The following TDRD3 variants were observed in gnomAD, a reference collection of about 807,000 sequenced individuals.
TDRD3 encodes the protein tudor domain containing 3.
In TDRD3, 45 loss-of-function variants were observed where a neutral mutation model predicts 86.7. That is an observed-to-expected ratio of 0.52 (90% CI 0.41 to 0.67). The LOEUF is 0.67. Among genes scored for constraint, TDRD3 ranks in the 30% least tolerant of loss-of-function variants. The pLI, the probability that TDRD3 is intolerant of heterozygous loss-of-function variation, is 0.00. For synonymous variants in TDRD3, 298 were observed against 301.7 expected (o/e 0.99, Z 0.13); for missense variants, 814 against 889.0 (o/e 0.92, Z 1.07).
chr13:60,463,483 T>C (rs1313125064), intron 4 of TDRD3, among the ~76,000 whole-genome samples: 1 of 149,660 alleles, frequency 6.7e-6, no homozygotes, highest in East Asian at 2.0e-4. Flanking sequence ...CTCAAAAACA[T>C]AGGCAACATA....
intron 8 of TDRD3, among the ~76,000 whole-genome samples, chr13:60,504,357 A>C (rs1956891951): frequency 6.6e-6 from 1 of 152,192 alleles, no homozygotes; most frequent in Non-Finnish European, 1.5e-5. Context: ...TGTACCAGGT[A>C]TGGAGCCTAG....
At chr13:60,462,203 C>T (rs761086472) in intron 4 of TDRD3, among the ~76,000 whole-genome samples, 1 of 152,150 alleles carries the variant, frequency 6.6e-6, no homozygotes, top group African/African-American at 2.4e-5. Flanking sequence ...CAGTCACACC[C>T]CTTGCAAGGG....
chr13:60,517,494 C>T (rs1957199744), intron 10 of TDRD3, among the ~76,000 whole-genome samples: 2 of 152,118 alleles, frequency 1.3e-5, no homozygotes, highest in African/African-American at 4.8e-5. Context: ...TGTTTGGAAA[C>T]CAGGGATAAA....
chr13:60,488,880 C>A (rs376314249), intron 7 of TDRD3, among the ~76,000 whole-genome samples: 7 of 151,910 alleles, frequency 4.6e-5, no homozygotes, highest in African/African-American at 1.7e-4. Context: ...CATGCCTGGC[C>A]GGGTTTATTT....
intron 1 of TDRD3, among the ~76,000 whole-genome samples, chr13:60,401,913 G>A (rs1311559181): frequency 2.0e-5 from 3 of 152,060 alleles, no homozygotes; most frequent in Non-Finnish European, 4.4e-5. Flanking sequence ...ATGTAGAACT[G>A]GAAAACAACC....
chr13:60,477,313 C>G (rs1293154837), intron 5 of TDRD3, among the ~76,000 whole-genome samples: 2 of 151,914 alleles, frequency 1.3e-5, no homozygotes, highest in African/African-American at 4.8e-5. Context: ...CTCCTGGGTT[C>G]AAGGGATCCT....
chr13:60,565,041 C>CTTTATTTTT (rs1958418432), intron 12 of TDRD3, among the ~76,000 whole-genome samples: 1 of 70,852 alleles, frequency 1.4e-5, no homozygotes, highest in African/African-American at 6.2e-5. Context: ...CTATCAGTAT[C>CTTTATTTTT]TTTTTTTTTT....
intron 1 of TDRD3, among the ~76,000 whole-genome samples, chr13:60,437,121 C>CTTT (rs528500199): frequency 0.12 from 8,548 of 73,644 alleles, 1,052 homozygotes; most frequent in South Asian, 0.2. Context: ...ATAAATTAAA[C>CTTT]TTTTTTTTTT....
At chr13:60,540,083 TA>T (rs1350275972) in intron 12 of TDRD3, among the ~76,000 whole-genome samples, 1 of 152,174 alleles carries the variant, frequency 6.6e-6, no homozygotes, top group South Asian at 2.1e-4. Context: ...TTTTCATTTT[TA>T]CTGATAAGTT....
At chr13:60,523,573 C>CTTT (rs67692021) in intron 10 of TDRD3, among the ~76,000 whole-genome samples, 66 of 105,026 alleles carry the variant, frequency 6.3e-4, no homozygotes, top group Non-Finnish European at 9.7e-4. Context: ...ATACATTTTT[C>CTTT]TTTTTTTTTT....
At chr13:60,481,095 T>A (rs528496442) in intron 5 of TDRD3, among the ~76,000 whole-genome samples, 236 of 152,182 alleles carry the variant, frequency 1.6e-3, no homozygotes, top group Non-Finnish European at 2.3e-3. Context: ...GCAAAAGTGC[T>A]CTGGTGGGGC....
At chr13:60,426,176 A>G (rs1566182052) in intron 1 of TDRD3, among the ~76,000 whole-genome samples, 1 of 152,196 alleles carries the variant, frequency 6.6e-6, no homozygotes, top group Non-Finnish European at 1.5e-5. Flanking sequence ...CCAGACACAG[A>G]AAGAAAAGTA....
chr13:60,532,098 G>C (rs375737260), intron 11 of TDRD3, among the ~76,000 whole-genome samples: 48 of 152,110 alleles, frequency 3.2e-4, no homozygotes, highest in African/African-American at 1.1e-3. Flanking sequence ...AATTAATACT[G>C]TCCATCAGTA....
At chr13:60,398,963 A>G (rs1954020139) in intron 1 of TDRD3, among the ~76,000 whole-genome samples, 2 of 152,158 alleles carry the variant, frequency 1.3e-5, no homozygotes. Context: ...CCTTCACACT[A>G]GTAATATTTT....
At chr13:60,505,381 C>T (rs1266383860) in intron 8 of TDRD3, among the ~76,000 whole-genome samples, 1 of 152,180 alleles carries the variant, frequency 6.6e-6, no homozygotes, top group Non-Finnish European at 1.5e-5. Context: ...AGCCAGACTG[C>T]GTCTCTGGAT....
intron 5 of TDRD3, among the ~76,000 whole-genome samples, chr13:60,469,660 G>A (rs1461646841): frequency 6.6e-6 from 1 of 152,110 alleles, no homozygotes; most frequent in Non-Finnish European, 1.5e-5. Context: ...GTAGGAAACA[G>A]GGAAAGTGCA....
chr13:60,403,640 A>C (rs1371149425), intron 1 of TDRD3, among the ~76,000 whole-genome samples: 5 of 152,222 alleles, frequency 3.3e-5, no homozygotes, highest in African/African-American at 1.2e-4. Context: ...GTGAAATCAA[A>C]GACACTGATA....
chr13:60,399,408 G>C (rs954999224), intron 1 of TDRD3, among the ~76,000 whole-genome samples: 1 of 152,210 alleles, frequency 6.6e-6, no homozygotes, highest in East Asian at 1.9e-4. Flanking sequence ...AATCTGCGGG[G>C]CTAAAAACAC....
At chr13:60,519,843 T>C (rs1957253651) in intron 10 of TDRD3, among the ~76,000 whole-genome samples, 1 of 152,200 alleles carries the variant, frequency 6.6e-6, no homozygotes, top group Admixed American at 6.5e-5. Context: ...GTGAGAAATT[T>C]TACTAAACTA....
Sources: allele counts gnomAD v4.1 joint callset (sites outside exome capture counted in the v4.1 genomes callset), GRCh38; gene constraint gnomAD v4.1.1; transcripts MANE v1.5; gene names NCBI Gene and HGNC (gene_info 2026-07-23, HGNC 2026-07-21).